OTOGL: variants seen among roughly 807,000 people sequenced by gnomAD.
The protein encoded by OTOGL is otogelin like.
OTOGL carries 285 observed loss-of-function variants against 318.5 expected under a neutral mutation model. The ratio of observed to expected loss-of-function variants is 0.89; its 90% confidence interval spans 0.81 to 0.99. The LOEUF (loss-of-function observed/expected upper bound fraction) is 0.99. OTOGL is among the 50% of genes least tolerant of loss of function. OTOGL has a pLI of 0.00. For missense variants in OTOGL, 2,899 were observed against 2,845.6 expected, an observed-to-expected ratio of 1.02 and a Z score of -0.43; for synonymous variants, 987 against 936.5, an observed-to-expected ratio of 1.05 and a Z score of -0.99.
rs773755288 is a variant in OTOGL at position 80,253,524 on chromosome 12, T to C, written c.1344T>C (p.His448=). The C allele has an allele frequency of 3.1e-5, 50 of 1,613,202 alleles. No individual in the cohort carries two copies. Among genetic ancestry groups the C allele is most frequent in the Non-Finnish European group, 1.7e-6 (2 of 1,179,376 alleles). ...ISLENCPCGF[H]GLAYSVGSKI... ...TGGAAAATTGCCCATGCGGTTTTCA[T>C]GGATTAGCTTATTCAGTTGGTTCAA... Residue 448 remains histidine (H), a synonymous_variant, in exon 14 of 59, where the codon CAT becomes CAC. Transcript: ENST00000547103.
intron 1 of OTOGL, among the ~76,000 whole-genome samples, chr12:80,169,640 C>T (rs1366445519): frequency 1.3e-5 from 2 of 152,140 alleles, no homozygotes; most frequent in Non-Finnish European, 2.9e-5. Flanking sequence ...GGTTTTGTCA[C>T]CCCCAAATCT....
At chr12:80,281,976 G>A (rs1479459236) in intron 26 of OTOGL, among the ~76,000 whole-genome samples, 2 of 151,766 alleles carry the variant, frequency 1.3e-5, no homozygotes, top group Non-Finnish European at 2.9e-5. Flanking sequence ...ACAATAAAAA[G>A]ATATTATGCT....
chr12:80,148,976 C>T (rs1221785535), intron 1 of OTOGL, among the ~76,000 whole-genome samples: 1 of 152,012 alleles, frequency 6.6e-6, no homozygotes, highest in African/African-American at 2.4e-5. Context: ...TCAAAGTTTT[C>T]AACTTGTTTG....
chr12:80,251,887 T>C, intron 12 of OTOGL, 88 bp downstream of exon 12: 1 of 1,225,126 alleles, frequency 8.2e-7, no homozygotes, highest in South Asian at 1.7e-5. Context: ...TACTCAATAC[T>C]AATGAATTGC....
intron 34 of OTOGL, among the ~76,000 whole-genome samples, chr12:80,323,139 CACACACACATAT>C (rs755720542): frequency 7.6e-4 from 92 of 121,496 alleles, no homozygotes; most frequent in Non-Finnish European, 1.4e-3. Flanking sequence ...CACACACACA[CACACACACATAT>C]ATAAAATATT....
rs1325269220 is a variant in OTOGL at position 80,356,797 on chromosome 12, G to T, written c.5912-10G>T. The T allele has an allele frequency of 1.9e-6, 3 of 1,539,638 alleles. No homozygotes were observed. The highest frequency in any genetic ancestry group is 2.6e-6 in the Non-Finnish European group (3 of 1,134,818). On this transcript the variant is annotated splice_polypyrimidine_tract_variant and intron_variant, in intron 48 of 58. Coordinates refer to ENST00000547103, the MANE Select transcript of OTOGL (RefSeq NM_001378609.3). ...TATACAAATTTTCTAATGTAATTTT[G>T]TTTCTGCAGAATGTGACCCATTGAA... is the stretch of plus-strand genomic sequence containing the variant.
intron 11 of OTOGL, among the ~76,000 whole-genome samples, chr12:80,239,723 T>G (rs2137435671): frequency 6.6e-6 from 1 of 152,296 alleles, no homozygotes; most frequent in African/African-American, 2.4e-5. Context: ...AACAGTTTTC[T>G]TTATGCTAGG....
chr12:80,366,520 T>A, intron 52 of OTOGL, 54 bp from the exon 53 acceptor site: 1 of 278,376 alleles, frequency 3.6e-6, no homozygotes, highest in Non-Finnish European at 6.1e-6. Flanking sequence ...GTTATATATA[T>A]ATATATATAT....
At chr12:80,287,293 T>C (rs928908429) in intron 26 of OTOGL, among the ~76,000 whole-genome samples, 3 of 151,716 alleles carry the variant, frequency 2.0e-5, no homozygotes, top group African/African-American at 7.3e-5. Flanking sequence ...CTTTTGCATT[T>C]GCTGAGGAGT....
intron 1 of OTOGL, among the ~76,000 whole-genome samples, chr12:80,204,791 T>A (rs1016332423): frequency 2.0e-5 from 3 of 152,188 alleles, no homozygotes; most frequent in African/African-American, 7.2e-5. Context: ...TGGTTTACTT[T>A]ACTTTATGTT....
chr12:80,292,631 G>T (rs560477120), intron 26 of OTOGL, among the ~76,000 whole-genome samples: 1 of 152,296 alleles, frequency 6.6e-6, no homozygotes, highest in Non-Finnish European at 1.5e-5. Context: ...AACAATAATT[G>T]TCTGTGCATG....
chr12:80,236,876 G>A (rs557067554), intron 9 of OTOGL, among the ~76,000 whole-genome samples: 18 of 148,106 alleles, frequency 1.2e-4, no homozygotes, highest in South Asian at 8.6e-4. Flanking sequence ...GTGCAGTGGC[G>A]CGATCTTGGC....
At chr12:80,152,928 AG>A (rs561436084) in intron 1 of OTOGL, among the ~76,000 whole-genome samples, 2 of 152,344 alleles carry the variant, frequency 1.3e-5, no homozygotes, top group South Asian at 4.1e-4. Flanking sequence ...TCGTAACCTC[AG>A]GTGGTCCACC....
intron 1 of OTOGL, among the ~76,000 whole-genome samples, chr12:80,168,914 G>A (rs1874007194): frequency 6.6e-6 from 1 of 152,078 alleles, no homozygotes; most frequent in African/African-American, 2.4e-5. Context: ...CCCTTTCCTT[G>A]CTTCTCCGTT....
intron 27 of OTOGL, among the ~76,000 whole-genome samples, chr12:80,301,988 A>G (rs1885795538): frequency 6.6e-6 from 1 of 152,136 alleles, no homozygotes; most frequent in African/African-American, 2.4e-5. Context: ...TCACAATTTC[A>G]CAGATAGAAG....
chr12:80,355,841 C>T lies in OTOGL; in HGVS notation c.5699C>T (p.Pro1900Leu), dbSNP rs867045153. The T allele has an allele frequency of 1.2e-6, 2 of 1,613,846 alleles. No individual in the cohort carries two copies. The highest frequency in any genetic ancestry group is 1.7e-6 in the Non-Finnish European group (2 of 1,179,808). Residue 1900 changes from proline to leucine, a missense_variant, in exon 47 of 59, where the codon CCT becomes CTT. Physicochemically the swap from Pro to Leu is moderately conservative, Grantham distance 98. Around this residue, in one of 3 missense-constraint regions of OTOGL, gnomAD observed 2,607 missense variants for 2,524.9 expected, o/e 1.03. Coordinates refer to ENST00000547103, the MANE Select transcript of OTOGL (RefSeq NM_001378609.3). Reference sequence around the variant, plus strand: ...TGTTTGGAGAATGGAAGCATTATCCCTATAGAACCTGACTGTGATGAAGAG... The same window carrying T: ...TGTTTGGAGAATGGAAGCATTATCCTTATAGAACCTGACTGTGATGAAGAG... The part of the protein sequence containing the change: ...YKCLENGSII[P>L]IEPDCDEEPT...
At position 80,249,503 on chromosome 12, in the gene OTOGL, G is replaced by C. The variant is rs1273321072; in HGVS notation, c.1053-2190G>C. Among the ~76,000 whole-genome samples, 4 of 151,740 alleles carry C rather than the reference G, an allele frequency of 2.6e-5. No individual in the cohort carries two copies. In the South Asian group the frequency reaches 6.2e-4, roughly 24 times the overall value. ...GGGGTCAGGGGTCAGGGACCCACTT[G>C]AGGAGGCAGTCTGCCTGTTCTCAGA... On this transcript the variant is annotated intron_variant, in intron 11 of 58. Transcript: ENST00000547103.
Position 80,279,254 on chromosome 12 carries a change from A to G in OTOGL, c.2928+88A>G, listed in dbSNP as rs1592648606. ...TGCTGGTCCCTGATATATCAAATTC[A>G]TGTGTTATTTATAAAACCTATAAAA... On this transcript the variant is annotated intron_variant, in intron 26 of 58. Coordinates refer to ENST00000547103, the MANE Select transcript of OTOGL (RefSeq NM_001378609.3). The G allele has an allele frequency of 3.9e-6, 5 of 1,273,996 alleles. No homozygotes were observed. The East Asian group carries it at 7.3e-5, about 19-fold the overall frequency. 78.9% of individuals were successfully genotyped at this position (1,273,996 alleles called of 1,614,324 possible).
Position 80,257,961 on chromosome 12 carries a change from T to A in OTOGL, c.1848T>A (p.Gly616=), listed in dbSNP as rs1035411176. 1 of 1,596,840 alleles carries A rather than the reference T, an allele frequency of 6.3e-7. No individual in the cohort carries two copies. Among genetic ancestry groups the A allele is most frequent in the African/African-American group, 1.3e-5 (1 of 74,876 alleles). ...GCGCATGGAAAAGAAGAACATTAGGTCTGTGTGGCACTTTTAATGGCAACA... is the reference window on the plus strand; with the variant it reads ...GCGCATGGAAAAGAAGAACATTAGGACTGTGTGGCACTTTTAATGGCAACA... ...LTSAWKRRTL[G]LCGTFNGNIR... The change falls in exon 18 of 59, where the codon GGT becomes GGA. Residue 616 remains glycine, a synonymous_variant. Transcript: ENST00000547103.
Sources: gnomAD v4.1 joint callset for allele counts (sites outside exome capture counted in the v4.1 genomes callset) on GRCh38, gnomAD v4.1.1 for gene constraint, gnomAD v4.1.1 regional missense constraint, MANE v1.5 for transcripts, NCBI Gene and HGNC (gene_info 2026-07-23, HGNC 2026-07-21) for gene names.